STPG2: variants seen among roughly 807,000 people sequenced by gnomAD.
STPG2 encodes sperm tail PG-rich repeat containing 2, also known as sperm-tail PG-rich repeat-containing protein 2.
In STPG2, 56 loss-of-function variants were observed where a neutral mutation model predicts 54.2. That is an observed-to-expected ratio of 1.03 (90% CI 0.83 to 1.29). The LOEUF is 1.29. STPG2 is among the 50% of genes most tolerant of loss of function. The pLI, the probability that STPG2 is intolerant of heterozygous loss-of-function variation, is 0.00. For synonymous variants in STPG2, 200 were observed against 181.8 expected, an observed-to-expected ratio of 1.10 and a Z score of -0.81; for missense variants, 596 against 544.9, an observed-to-expected ratio of 1.09 and a Z score of -0.93.
intron 1 of STPG2, among the ~76,000 whole-genome samples, chr4:98,140,750 C>A (rs187737716): frequency 6.6e-6 from 1 of 151,938 alleles, no homozygotes; most frequent in African/African-American, 2.4e-5. Flanking sequence ...TACCGGAGAC[C>A]ATCTAGGTAG....
intron 9 of STPG2, among the ~76,000 whole-genome samples, chr4:97,778,064 G>A (rs547310323): frequency 2.4e-4 from 37 of 152,214 alleles, no homozygotes; most frequent in African/African-American, 8.4e-4. Context: ...CAGACAGTGG[G>A]GACAGGACAG....
At chr4:98,020,959 CA>C (rs769207863) in intron 5 of STPG2, among the ~76,000 whole-genome samples, 2 of 152,086 alleles carry the variant, frequency 1.3e-5, no homozygotes, top group African/African-American at 4.8e-5. Context: ...TTGATCTTTT[CA>C]AAAAACCAGC....
intron 8 of STPG2, among the ~76,000 whole-genome samples, chr4:97,862,032 A>C (rs1240697322): frequency 6.6e-6 from 1 of 152,138 alleles, no homozygotes; most frequent in Non-Finnish European, 1.5e-5. Context: ...CAAAATAACC[A>C]GCTAACATCA....
At chr4:97,489,571 T>C (rs573290400) in intron 4 of STPG2, among the ~76,000 whole-genome samples, 114 of 151,642 alleles carry the variant, frequency 7.5e-4, no homozygotes, top group African/African-American at 2.7e-3. Context: ...CCCTCTTAAA[T>C]GAAGGGAGGA....
rs372407804 is a variant in STPG2, at chr4:97,910,176, C to G, written c.1044+33721G>C. 1.9e-4 allele frequency among the ~76,000 whole-genome samples: 29 copies of G among 152,266 alleles called. No homozygotes were observed. In the East Asian group the frequency reaches 2.3e-3, roughly 12 times the overall value. ...CCTAGGTACTGTACTAACAAGGTGACATTCCTCCCACTCACCACCGGGTGC... is the reference window on the plus strand; with the variant it reads ...CCTAGGTACTGTACTAACAAGGTGAGATTCCTCCCACTCACCACCGGGTGC... On this transcript the variant is annotated intron_variant, in intron 8 of 10. Transcript: ENST00000295268.
chr4:97,956,110 A>C (rs1158016672), intron 7 of STPG2, among the ~76,000 whole-genome samples: 1 of 152,146 alleles, frequency 6.6e-6, no homozygotes, highest in African/African-American at 2.4e-5. Context: ...AAAACTTAAA[A>C]TATGTAGATT....
chr4:97,826,465 T>C (rs1340608307), intron 9 of STPG2, among the ~76,000 whole-genome samples: 1 of 152,178 alleles, frequency 6.6e-6, no homozygotes, highest in Non-Finnish European at 1.5e-5. Context: ...AGTTCTTCCA[T>C]AAATTGAACA....
At position 97,859,700 on chromosome 4, in the gene STPG2, T is replaced by C. The variant is rs1382167481; in HGVS notation, c.1045-18768A>G. Among the ~76,000 whole-genome samples, 3 of 152,228 alleles carry C rather than the reference T, an allele frequency of 2.0e-5. No individual in the cohort carries two copies. In the East Asian group the frequency reaches 5.8e-4, roughly 29 times the overall value. On this transcript the variant is annotated intron_variant, in intron 8 of 10. Transcript: ENST00000295268. ...GGCTGGTCTTGAAATCCTGACCTCGTGATCCGCCAACTTGGCCTCCCAAAG... is the reference window on the plus strand; with the variant it reads ...GGCTGGTCTTGAAATCCTGACCTCGCGATCCGCCAACTTGGCCTCCCAAAG...
chr4:98,033,243 T>C lies in STPG2; in HGVS notation c.613-51925A>G, dbSNP rs567555594. Among the ~76,000 whole-genome samples, 5 of 151,750 alleles carry C rather than the reference T, an allele frequency of 3.3e-5. No individual in the cohort carries two copies. In the East Asian group the frequency reaches 5.8e-4, roughly 18 times the overall value. On this transcript the variant is annotated intron_variant, in intron 5 of 10. Coordinates refer to ENST00000295268, the MANE Select transcript of STPG2 (RefSeq NM_174952.3). ...AAAAAGAAAAGAGAGAAGAATCAAA[T>C]AGATGCAATAAAAAATAATAAAGGG...
At chr4:97,879,227 T>A (rs1289406686) in intron 8 of STPG2, among the ~76,000 whole-genome samples, 1 of 152,190 alleles carries the variant, frequency 6.6e-6, no homozygotes, top group East Asian at 1.9e-4. Flanking sequence ...TCTGAGGCTT[T>A]CAAACTCTTC....
intron 10 of STPG2, among the ~76,000 whole-genome samples, chr4:97,698,306 G>C (rs959131727): frequency 6.6e-6 from 1 of 152,110 alleles, no homozygotes; most frequent in Non-Finnish European, 1.5e-5. Context: ...CGCCCTAATG[G>C]ATCTCCTGTA....
intron 8 of STPG2, among the ~76,000 whole-genome samples, chr4:97,906,285 C>G (rs1021528897): frequency 6.6e-6 from 1 of 152,098 alleles, no homozygotes; most frequent in South Asian, 2.1e-4. Flanking sequence ...ATAAATTCCT[C>G]GAAACATACA....
intron 5 of STPG2, among the ~76,000 whole-genome samples, chr4:98,056,107 T>C (rs2110094473): frequency 6.6e-6 from 1 of 152,266 alleles, no homozygotes; most frequent in Non-Finnish European, 1.5e-5. Context: ...AAGTCTGCTT[T>C]GCCCCCCCCC....
chr4:97,620,510 A>G (rs1733983387), intron 10 of STPG2, among the ~76,000 whole-genome samples: 2 of 152,150 alleles, frequency 1.3e-5, no homozygotes. Flanking sequence ...ATTTCAGATA[A>G]AGGGGACTTT....
chr4:97,566,251 T>C (rs982466791), intron 10 of STPG2, among the ~76,000 whole-genome samples: 1 of 152,082 alleles, frequency 6.6e-6, no homozygotes, highest in Non-Finnish European at 1.5e-5. Context: ...TGGTGCGGGA[T>C]ATAATCTCCT....
chr4:98,062,471 A>G (rs747522257), intron 5 of STPG2, among the ~76,000 whole-genome samples: 7 of 152,174 alleles, frequency 4.6e-5, no homozygotes, highest in Non-Finnish European at 1.0e-4. Flanking sequence ...AAAAAACAAA[A>G]AAACTTGTAT....
At chr4:97,570,432 C>G (rs1732569325) in intron 10 of STPG2, among the ~76,000 whole-genome samples, 1 of 152,034 alleles carries the variant, frequency 6.6e-6, no homozygotes, top group South Asian at 2.1e-4. Flanking sequence ...AGACAACTAA[C>G]AAGAAGACAC....
intron 10 of STPG2, among the ~76,000 whole-genome samples, chr4:97,711,431 A>T (rs6532691): frequency 0.59 from 89,605 of 151,792 alleles, 26,749 homozygotes; most frequent in South Asian, 0.68. Flanking sequence ...ACAAATACCC[A>T]CCCTTGACTT....
chr4:97,735,737 C>T (rs549807725), intron 9 of STPG2, among the ~76,000 whole-genome samples: 22 of 151,144 alleles, frequency 1.5e-4, no homozygotes, highest in Admixed American at 4.0e-4. Context: ...TATAGGGATA[C>T]GTGTATATCC....
Sources: gnomAD v4.1 joint callset for allele counts (sites outside exome capture counted in the v4.1 genomes callset) on GRCh38, gnomAD v4.1.1 for gene constraint, MANE v1.5 for transcripts, NCBI Gene and HGNC (gene_info 2026-07-23, HGNC 2026-07-21) for gene names.